Variants in KBTBD11 observed in about 807,000 individuals in gnomAD.
The protein encoded by KBTBD11 is kelch repeat and BTB domain containing 11.
For synonymous variants in KBTBD11, 747 were observed against 499.0 expected, an observed-to-expected ratio of 1.50 and a Z score of -6.63; for missense variants, 1,390 against 1,001.8, an observed-to-expected ratio of 1.39 and a Z score of -5.23.
At chr8:1,996,421 C>T (rs1817139724) in intron 1 of KBTBD11, among the ~76,000 whole-genome samples, 1 of 152,154 alleles carries the variant, frequency 6.6e-6, no homozygotes, top group Non-Finnish European at 1.5e-5. Context: ...CCTGTGCCAC[C>T]AAGCCCGGCT....
rs1399848211 is a variant in KBTBD11 at position 2,003,794 on chromosome 8, C to T, written c.*730C>T. 1.2e-5 allele frequency: 2 copies of T among 166,888 alleles called. No homozygotes were observed. Among genetic ancestry groups the T allele is most frequent in the Admixed American group, 1.3e-4 (2 of 15,282 alleles). 10.3% of individuals were successfully genotyped at this position (166,888 alleles called of 1,614,324 possible). On this transcript the variant is annotated 3_prime_UTR_variant, in exon 2 of 2. Coordinates refer to ENST00000320248, the MANE Select transcript of KBTBD11 (RefSeq NM_014867.3). ...GTTGAAAGGATGTTAACTGATGTAG[C>T]GATGATTTACCATTATTTAAATTTT...
chr8:1,995,491 C>A (rs1563373692), intron 1 of KBTBD11, among the ~76,000 whole-genome samples: 1 of 152,128 alleles, frequency 6.6e-6, no homozygotes, highest in African/African-American at 2.4e-5. Flanking sequence ...GGTCCCTTTA[C>A]ACTATTTTCT....
intron 1 of KBTBD11, among the ~76,000 whole-genome samples, chr8:1,983,998 C>T (rs928066014): frequency 6.6e-6 from 1 of 152,198 alleles, no homozygotes; most frequent in African/African-American, 2.4e-5. Flanking sequence ...GGCGTGGTGG[C>T]AGGCACCTTT....
At chr8:1,984,851 C>T (rs776515683) in intron 1 of KBTBD11, among the ~76,000 whole-genome samples, 9 of 152,160 alleles carry the variant, frequency 5.9e-5, no homozygotes, top group Non-Finnish European at 1.2e-4. Context: ...AGGCCACGTA[C>T]GTTTCAGGCC....
intron 1 of KBTBD11, among the ~76,000 whole-genome samples, chr8:1,982,490 C>G (rs533107029): frequency 1.5e-5 from 2 of 131,320 alleles, no homozygotes; most frequent in African/African-American, 5.1e-5. Context: ...ATATAAGACC[C>G]CACTATATGC....
At chr8:1,975,834 A>G (rs1816320265) in intron 1 of KBTBD11, 1 of 152,222 alleles carries the variant, frequency 6.6e-6, no homozygotes, top group Non-Finnish European at 1.5e-5. Context: ...TTTGGAGCTT[A>G]TCGCATCATT....
chr8:1,980,806 C>T (rs750530212), intron 1 of KBTBD11, among the ~76,000 whole-genome samples: 6 of 152,258 alleles, frequency 3.9e-5, no homozygotes, highest in Non-Finnish European at 7.3e-5. Flanking sequence ...CCAGCGAGAG[C>T]AGATGAATGC....
chr8:1,998,295 C>T (rs986519832), intron 1 of KBTBD11, among the ~76,000 whole-genome samples: 2 of 152,182 alleles, frequency 1.3e-5, no homozygotes, highest in Non-Finnish European at 2.9e-5. Flanking sequence ...ATGGGTCCCT[C>T]GCTGTTGGGG....
At position 2,001,992 on chromosome 8, in the gene KBTBD11, T is replaced by C. The variant is rs1199691452; in HGVS notation, c.800T>C (p.Leu267Pro). Residue 267 changes from leucine (L) to proline (P), a missense_variant, in exon 2 of 2, where the codon CTG becomes CCG. Transcript: ENST00000320248. Reference protein sequence around the residue: ...CFMSDHYLEVLREPAVFGRLS... With the variant: ...CFMSDHYLEVPREPAVFGRLS... Reference sequence around the variant, plus strand: ...ATGAGCGACCACTATCTGGAGGTGCTGCGCGAGCCCGCCGTGTTCGGCCGC... The same window carrying C: ...ATGAGCGACCACTATCTGGAGGTGCCGCGCGAGCCCGCCGTGTTCGGCCGC... 1 of 1,430,216 alleles carries C rather than the reference T, an allele frequency of 7.0e-7. No individual in the cohort carries two copies. The highest frequency in any genetic ancestry group is 9.2e-7 in the Non-Finnish European group (1 of 1,085,436). The allele number at this position is 1,430,216 out of a possible 1,614,324, so 88.6% of individuals were successfully genotyped here.
At chr8:1,983,784 G>C (rs551969407) in intron 1 of KBTBD11, among the ~76,000 whole-genome samples, 42 of 152,246 alleles carry the variant, frequency 2.8e-4, no homozygotes, top group Admixed American at 2.7e-3. Context: ...TTGGATGCAG[G>C]AATTGCTTTT....
At chr8:1,987,516 G>T (rs1816744571) in intron 1 of KBTBD11, among the ~76,000 whole-genome samples, 1 of 152,040 alleles carries the variant, frequency 6.6e-6, no homozygotes, top group South Asian at 2.1e-4. Flanking sequence ...AGGTGACCGG[G>T]CCCTTGTGCT....
rs1360947031 is a variant in KBTBD11, at chr8:2,003,414, C to G, written c.*350C>G. 4.5e-6 allele frequency: 1 copy of G among 223,844 alleles called. No individual in the cohort carries two copies. The highest frequency in any genetic ancestry group is 9.4e-6 in the Non-Finnish European group (1 of 106,068). 13.9% of individuals were successfully genotyped at this position (223,844 alleles called of 1,614,324 possible). On this transcript the variant is annotated 3_prime_UTR_variant, in exon 2 of 2. Transcript: ENST00000320248. ...CCGGGGTGTCCCGAACCCCGCAGAG[C>G]ACCGAGGCTGTGCGCAGGAGCCTGG...
At chr8:1,981,220 A>G (rs1279462324) in intron 1 of KBTBD11, among the ~76,000 whole-genome samples, 1 of 152,218 alleles carries the variant, frequency 6.6e-6, no homozygotes, top group Non-Finnish European at 1.5e-5. Flanking sequence ...AGGGGAGAGA[A>G]AGACTTTGCC....
chr8:1,976,194 G>C (rs879322567), intron 1 of KBTBD11: 2 of 152,172 alleles, frequency 1.3e-5, no homozygotes, highest in Admixed American at 6.5e-5. Context: ...AAATCAGCCT[G>C]TCATTCAGCA....
At chr8:1,988,067 C>T (rs1816762021) in intron 1 of KBTBD11, among the ~76,000 whole-genome samples, 1 of 152,066 alleles carries the variant, frequency 6.6e-6, no homozygotes, top group Admixed American at 6.6e-5. Flanking sequence ...TGAACTCATC[C>T]TTTTTATGGT....
chr8:1,998,872 C>T (rs992173586), intron 1 of KBTBD11, among the ~76,000 whole-genome samples: 3 of 152,302 alleles, frequency 2.0e-5, no homozygotes, highest in South Asian at 2.1e-4. Context: ...TTTTCCATTT[C>T]GGGTCACCGT....
chr8:2,001,493 G>A lies in KBTBD11; in HGVS notation c.301G>A (p.Glu101Lys). 3 of 1,387,146 alleles carry A rather than the reference G, an allele frequency of 2.2e-6. No homozygotes were observed. Among genetic ancestry groups the A allele is most frequent in the Non-Finnish European group, 2.8e-6 (3 of 1,077,006 alleles). 85.9% of individuals were successfully genotyped at this position (1,387,146 alleles called of 1,614,324 possible). ...GTCCCCTGAGGAGCGCGCGTGCCCG[G>A]AAGAGCCCGCGGCGCCGTCCCCCGA... ...LASPEERACP[E>K]EPAAPSPEPR... Residue 101 changes from glutamate (E) to lysine (K), a missense_variant, in exon 2 of 2, where the codon GAA becomes AAA. Physicochemically the swap from Glu to Lys is moderately conservative, Grantham distance 56. Transcript: ENST00000320248.
chr8:1,975,511 G>C (rs1816305848), intron 1 of KBTBD11, among the ~76,000 whole-genome samples: 1 of 152,256 alleles, frequency 6.6e-6, no homozygotes, highest in Admixed American at 6.5e-5. Context: ...GTGCAGTCTG[G>C]AGCAGGAGTC....
At position 2,001,303 on chromosome 8, in the gene KBTBD11, C is replaced by T; in HGVS notation, c.111C>T (p.Leu37=). ...CCCCGGCGCAGACACCCTGCAGTCTCGGCGCGTCCCTGTGCTTCAGCTCCG... is the reference window on the plus strand; with the variant it reads ...CCCCGGCGCAGACACCCTGCAGTCTTGGCGCGTCCCTGTGCTTCAGCTCCG... The part of the protein sequence containing the change: ...AASPAQTPCS[L]GASLCFSSGE... The change falls in exon 2 of 2, where the codon CTC becomes CTT. Residue 37 remains leucine, a synonymous_variant. Coordinates refer to ENST00000320248, the MANE Select transcript of KBTBD11 (RefSeq NM_014867.3). 1 of 1,524,738 alleles carries T rather than the reference C, an allele frequency of 6.6e-7. No homozygotes were observed. Among genetic ancestry groups the T allele is most frequent in the Non-Finnish European group, 8.7e-7 (1 of 1,144,434 alleles). 94.5% of individuals were successfully genotyped at this position (1,524,738 alleles called of 1,614,324 possible).
Sources: gnomAD v4.1 joint callset for allele counts (sites outside exome capture counted in the v4.1 genomes callset) on GRCh38, gnomAD v4.1.1 for gene constraint, MANE v1.5 for transcripts, NCBI Gene and HGNC (gene_info 2026-07-23, HGNC 2026-07-21) for gene names.